Variants in HSDL2 observed in about 807,000 individuals in gnomAD.
HSDL2 encodes the protein hydroxysteroid dehydrogenase like 2.
HSDL2 carries 27 observed loss-of-function variants against 46.3 expected under a neutral mutation model. The ratio of observed to expected loss-of-function variants is 0.58; its 90% confidence interval spans 0.43 to 0.80. The LOEUF is 0.80. Ranked by LOEUF, HSDL2 falls within the 30% of genes least tolerant of loss-of-function variation. The pLI is 0.00. For missense variants in HSDL2, 451 were observed against 502.7 expected (o/e 0.90, Z 0.98); for synonymous variants, 153 against 163.6 (o/e 0.94, Z 0.50).
chr9:112,471,341 C>T lies in HSDL2; in HGVS notation c.*797C>T, dbSNP rs1180978252. On this transcript the variant is annotated 3_prime_UTR_variant, in exon 11 of 11. Coordinates refer to ENST00000398805, the MANE Select transcript of HSDL2 (RefSeq NM_032303.5). ...GAATGTGACTGTTCGGAGATGAGGC[C>T]TTTAAAGAGGTGACTTAAGTTCAAA... is the stretch of plus-strand genomic sequence containing the variant. 6.6e-6 allele frequency: 1 copy of T among 152,148 alleles called. No homozygotes were observed. The highest frequency in any genetic ancestry group is 1.5e-5 in the Non-Finnish European group (1 of 68,076). The allele number at this position is 152,148 out of a possible 1,614,324, so 9.4% of individuals were successfully genotyped here.
At chr9:112,439,840 C>T (rs999714316) in intron 7 of HSDL2, among the ~76,000 whole-genome samples, 2 of 152,246 alleles carry the variant, frequency 1.3e-5, no homozygotes, top group Non-Finnish European at 2.9e-5. Context: ...CTGCTCACTG[C>T]TATGCAGCTT....
intron 8 of HSDL2, among the ~76,000 whole-genome samples, chr9:112,444,487 C>G (rs1009096944): frequency 2.0e-5 from 3 of 152,106 alleles, no homozygotes; most frequent in Admixed American, 1.3e-4. Flanking sequence ...CCTGTAGTCC[C>G]AGCACTTTGG....
At chr9:112,453,441 G>A (rs6477932) in intron 8 of HSDL2, among the ~76,000 whole-genome samples, 145,540 of 152,282 alleles carry the variant, frequency 0.96, 69,612 homozygotes, top group African/African-American at 0.98. Context: ...CACCAAGGCT[G>A]GAGTGCAGTA....
At chr9:112,411,283 G>A (rs749537516) in intron 4 of HSDL2, among the ~76,000 whole-genome samples, 2 of 152,238 alleles carry the variant, frequency 1.3e-5, no homozygotes, top group Non-Finnish European at 2.9e-5. Flanking sequence ...ATGGGTGAAA[G>A]CTTACTTGTT....
intron 1 of HSDL2, among the ~76,000 whole-genome samples, chr9:112,399,565 C>T (rs944961504): frequency 2.6e-5 from 4 of 152,100 alleles, no homozygotes; most frequent in Admixed American, 6.5e-5. Context: ...GAGACCAGAG[C>T]GTATCTCACT....
chr9:112,466,584 G>A (rs928255678), intron 10 of HSDL2, among the ~76,000 whole-genome samples: 1 of 150,958 alleles, frequency 6.6e-6, no homozygotes, highest in African/African-American at 2.4e-5. Flanking sequence ...TTTTCAGTTA[G>A]TTATGTTTCA....
intron 10 of HSDL2, among the ~76,000 whole-genome samples, chr9:112,461,192 C>T (rs2132707726): frequency 6.6e-6 from 1 of 152,152 alleles, no homozygotes; most frequent in Non-Finnish European, 1.5e-5. Context: ...ATTCTCCTGC[C>T]TCAGCCTCCA....
chr9:112,394,750 T>C (rs1381458147), intron 1 of HSDL2, among the ~76,000 whole-genome samples: 2 of 152,144 alleles, frequency 1.3e-5, no homozygotes, highest in African/African-American at 4.8e-5. Flanking sequence ...TCTAGATGGA[T>C]ACAACCAGGT....
chr9:112,441,197 CAAT>C (rs992474662), intron 7 of HSDL2, among the ~76,000 whole-genome samples: 8 of 151,252 alleles, frequency 5.3e-5, no homozygotes, highest in Admixed American at 2.6e-4. Context: ...GACCCTGTGT[CAAT>C]AATAATAATA....
intron 1 of HSDL2, among the ~76,000 whole-genome samples, chr9:112,397,164 A>G (rs1196447599): frequency 6.6e-6 from 1 of 152,110 alleles, no homozygotes; most frequent in Non-Finnish European, 1.5e-5. Context: ...GACCAAGTTG[A>G]CCACAGTTAT....
intron 9 of HSDL2, 53 bp downstream of exon 9, chr9:112,454,215 T>G (rs1238547278): frequency 1.3e-6 from 2 of 1,492,484 alleles, no homozygotes; most frequent in East Asian, 4.5e-5. Context: ...ATGGGGTGTT[T>G]CCTTTGGAAG....
intron 7 of HSDL2, among the ~76,000 whole-genome samples, chr9:112,440,414 A>ATTTC (rs1463572946): frequency 6.6e-6 from 1 of 151,902 alleles, no homozygotes; most frequent in Non-Finnish European, 1.5e-5. Context: ...AAAAAAAAAA[A>ATTTC]GAGAGAAAAG....
At chr9:112,457,315 C>A (rs1429852132) in intron 9 of HSDL2, among the ~76,000 whole-genome samples, 3 of 152,096 alleles carry the variant, frequency 2.0e-5, no homozygotes, top group Non-Finnish European at 4.4e-5. Context: ...CAGTCTCTGC[C>A]CCTTGGTTTG....
At chr9:112,441,518 A>G (rs1832636991) in intron 7 of HSDL2, among the ~76,000 whole-genome samples, 181 bp from the exon 8 acceptor site, 1 of 152,228 alleles carries the variant, frequency 6.6e-6, no homozygotes, top group Non-Finnish European at 1.5e-5. Context: ...GAGGAGAGAA[A>G]GATAACTGAA....
intron 1 of HSDL2, among the ~76,000 whole-genome samples, chr9:112,400,879 AGGACACC>A (rs1161455463): frequency 6.6e-6 from 1 of 152,188 alleles, no homozygotes; most frequent in East Asian, 1.9e-4. Context: ...TCTTCTTAGA[AGGACACC>A]TGTCCGATTG....
intron 1 of HSDL2, among the ~76,000 whole-genome samples, chr9:112,401,627 A>G (rs145760995): frequency 6.6e-6 from 1 of 151,920 alleles, no homozygotes; most frequent in Admixed American, 6.6e-5. Flanking sequence ...TAGTTTGCAG[A>G]CTGTTGATTT....
In HSDL2 at chr9:112,459,434, T is replaced by C. The variant is rs558532978; in HGVS notation, c.1016-15T>C. 5 of 1,612,692 alleles carry C rather than the reference T, an allele frequency of 3.1e-6. No homozygotes were observed. The South Asian group carries it at 5.5e-5, about 18-fold the overall frequency. On this transcript the variant is annotated splice_polypyrimidine_tract_variant and intron_variant, in intron 9 of 10. Coordinates refer to ENST00000398805, the MANE Select transcript of HSDL2 (RefSeq NM_032303.5). ...GGCTTCTATGACATTGATTTCTATA[T>C]GTTTATCTCTCTAGGTGAAGATGGT...
intron 6 of HSDL2, among the ~76,000 whole-genome samples, chr9:112,421,702 A>T (rs1341887157): frequency 6.6e-6 from 1 of 152,060 alleles, no homozygotes; most frequent in Non-Finnish European, 1.5e-5. Context: ...CACCGGCCTT[A>T]TTACATTTTT....
Position 112,380,181 on chromosome 9 carries a change from G to T in HSDL2, c.17+1G>T. 1 of 1,573,024 alleles carries T rather than the reference G, an allele frequency of 6.4e-7. No homozygotes were observed. Among genetic ancestry groups the T allele is most frequent in the Non-Finnish European group, 8.6e-7 (1 of 1,158,476 alleles). ...CGAAAGTCATGTTACCCAACACCGG[G>T]TAAGGGGGTAGGGGCGGCGCGGGGA... On this transcript the variant is annotated splice_donor_variant, in intron 1 of 10. Transcript: ENST00000398805. LOFTEE classifies it high-confidence loss of function.
Sources: allele counts gnomAD v4.1 joint callset (sites outside exome capture counted in the v4.1 genomes callset), GRCh38; gene constraint gnomAD v4.1.1; transcripts MANE v1.5; gene names NCBI Gene and HGNC (gene_info 2026-07-23, HGNC 2026-07-21).